The following FOXN3 variants were observed in gnomAD, a reference collection of about 807,000 sequenced individuals.
FOXN3 encodes the protein forkhead box N3.
FOXN3 carries 7 observed loss-of-function variants against 38.4 expected under a neutral mutation model. The observed-to-expected ratio is 0.18, with a 90% CI of 0.10 to 0.34. The LOEUF is 0.34. Among genes scored for constraint, FOXN3 ranks in the 10% least tolerant of loss-of-function variants. FOXN3 has a pLI of 1.00. For missense variants in FOXN3, 456 were observed against 613.4 expected (o/e 0.74, Z 2.71); for synonymous variants, 230 against 242.2 (o/e 0.95, Z 0.47).
intron 2 of FOXN3, among the ~76,000 whole-genome samples, chr14:89,396,249 C>T (rs1267475732): frequency 6.6e-6 from 1 of 152,128 alleles, no homozygotes; most frequent in Non-Finnish European, 1.5e-5. Flanking sequence ...GGAAGGAAAA[C>T]AAATCCCACA....
At chr14:89,290,698 T>C (rs1057437430) in intron 3 of FOXN3, 1 of 384,954 alleles carries the variant, frequency 2.6e-6, no homozygotes, top group East Asian at 7.2e-5. Flanking sequence ...GGACTTGGAA[T>C]GTAGCTTCTG....
chr14:89,203,879 C>T (rs576127109), intron 4 of FOXN3, among the ~76,000 whole-genome samples: 12 of 152,116 alleles, frequency 7.9e-5, no homozygotes, highest in Admixed American at 2.0e-4. Context: ...GACTTCTGCA[C>T]GCCTTTAGTG....
intron 1 of FOXN3, among the ~76,000 whole-genome samples, chr14:89,534,640 TATTAAG>T (rs954431671): frequency 7.2e-5 from 11 of 152,192 alleles, no homozygotes; most frequent in African/African-American, 2.7e-4. Flanking sequence ...TTTTGCTGTA[TATTAAG>T]ACTCCCCTGG....
intron 1 of FOXN3, among the ~76,000 whole-genome samples, chr14:89,564,791 G>A (rs1221439151): frequency 1.3e-5 from 2 of 151,922 alleles, no homozygotes; most frequent in Non-Finnish European, 2.9e-5. Flanking sequence ...AATCCAATAT[G>A]ACAATGTCCT....
At chr14:89,338,956 T>C (rs1011294168) in intron 3 of FOXN3, among the ~76,000 whole-genome samples, 1 of 152,226 alleles carries the variant, frequency 6.6e-6, no homozygotes, top group Non-Finnish European at 1.5e-5. Context: ...TACATCATTT[T>C]ACTTAATTTA....
intron 1 of FOXN3, among the ~76,000 whole-genome samples, chr14:89,488,981 T>A (rs1472500796): frequency 6.6e-6 from 1 of 152,218 alleles, no homozygotes; most frequent in Non-Finnish European, 1.5e-5. Flanking sequence ...CAAGTTGGTA[T>A]GGCATTGCTT....
At chr14:89,397,441 TA>T (rs35139656) in intron 2 of FOXN3, among the ~76,000 whole-genome samples, 4,663 of 120,590 alleles carry the variant, frequency 0.039, 167 homozygotes, top group African/African-American at 0.11. Context: ...AAATAAAAGT[TA>T]AAAAAAAAAA....
chr14:89,603,358 G>T (rs1018791403), intron 1 of FOXN3, among the ~76,000 whole-genome samples: 6 of 152,156 alleles, frequency 3.9e-5, no homozygotes, highest in African/African-American at 1.4e-4. Flanking sequence ...AATTTCTATT[G>T]TTTTGATTCA....
intron 2 of FOXN3, among the ~76,000 whole-genome samples, chr14:89,390,209 G>A (rs1378451433): frequency 3.4e-5 from 5 of 147,268 alleles, no homozygotes; most frequent in African/African-American, 1.3e-4. Flanking sequence ...TAAAATGACA[G>A]AGTGAGACTC....
At chr14:89,610,239 G>A (rs1332566657) in intron 1 of FOXN3, among the ~76,000 whole-genome samples, 1 of 152,200 alleles carries the variant, frequency 6.6e-6, no homozygotes, top group Non-Finnish European at 1.5e-5. Flanking sequence ...CAGCCCAACT[G>A]CCACCTGCTA....
chr14:89,171,924 C>T (rs1389827680), intron 5 of FOXN3, among the ~76,000 whole-genome samples: 2 of 151,818 alleles, frequency 1.3e-5, no homozygotes, highest in Non-Finnish European at 2.9e-5. Flanking sequence ...GGAAAAAAAC[C>T]CCACCAGTAT....
At chr14:89,184,831 A>G (rs1887762836) in intron 4 of FOXN3, among the ~76,000 whole-genome samples, 1 of 152,158 alleles carries the variant, frequency 6.6e-6, no homozygotes, top group Non-Finnish European at 1.5e-5. Context: ...CTGCCATCCT[A>G]TATCACCTCT....
intron 1 of FOXN3, among the ~76,000 whole-genome samples, chr14:89,533,490 C>G (rs1295083636): frequency 3.3e-5 from 5 of 151,958 alleles, no homozygotes; most frequent in African/African-American, 9.7e-5. Context: ...GGTGAAACCT[C>G]GTCTCTACTA....
At chr14:89,513,778 A>C (rs1894144597) in intron 1 of FOXN3, among the ~76,000 whole-genome samples, 1 of 151,798 alleles carries the variant, frequency 6.6e-6, no homozygotes. Flanking sequence ...TGTATTTTTA[A>C]TAGAGATGGG....
intron 3 of FOXN3, among the ~76,000 whole-genome samples, 200 bp from the exon 4 acceptor site, chr14:89,281,214 ATTCTGC>A (rs1367630950): frequency 6.6e-6 from 1 of 152,182 alleles, no homozygotes; most frequent in East Asian, 1.9e-4. Flanking sequence ...CTGTGTGAGT[ATTCTGC>A]TTATCATCTT....
chr14:89,539,766 T>A (rs1894760069), intron 1 of FOXN3, among the ~76,000 whole-genome samples: 1 of 152,088 alleles, frequency 6.6e-6, no homozygotes, highest in Non-Finnish European at 1.5e-5. Context: ...AACTGCTGCG[T>A]GAGACACTGA....
intron 3 of FOXN3, among the ~76,000 whole-genome samples, chr14:89,281,987 G>A (rs1451716134): frequency 2.0e-5 from 3 of 152,096 alleles, no homozygotes; most frequent in Non-Finnish European, 4.4e-5. Flanking sequence ...CACACACACA[G>A]AAGAATCTGA....
chr14:89,564,417 C>T (rs924749608), intron 1 of FOXN3, among the ~76,000 whole-genome samples: 27 of 152,108 alleles, frequency 1.8e-4, no homozygotes, highest in African/African-American at 6.5e-4. Flanking sequence ...TTTTTTATGG[C>T]TAATCCTCAG....
rs1193894534 is a variant in FOXN3, at chr14:89,219,183, T to TG, written c.746-38378dup. Among the ~76,000 whole-genome samples the TG allele has an allele frequency of 2.6e-5, 4 of 152,214 alleles. No individual in the cohort carries two copies. In the South Asian group the frequency reaches 8.3e-4, roughly 32 times the overall value. ...GAGGTGGTGGGAGGTGACTGGATCA[T>TG]GGGGGTGGATGTCCCCATCTCGTGA... On this transcript the variant is annotated intron_variant, in intron 4 of 5. Coordinates refer to ENST00000557258, the MANE Select transcript of FOXN3 (RefSeq NM_005197.4).
Sources: allele counts gnomAD v4.1 joint callset (sites outside exome capture counted in the v4.1 genomes callset), GRCh38; gene constraint gnomAD v4.1.1; transcripts MANE v1.5; gene names NCBI Gene and HGNC (gene_info 2026-07-23, HGNC 2026-07-21).